DPP10: variants seen among roughly 807,000 people sequenced by gnomAD.
The protein encoded by DPP10 is inactive dipeptidyl peptidase 10.
Under a neutral mutation model 120.9 loss-of-function variants are expected in DPP10, and 33 were observed. That is an observed-to-expected ratio of 0.27 (90% CI 0.21 to 0.37). The LOEUF is 0.37. Among genes scored for constraint, DPP10 ranks in the 10% least tolerant of loss-of-function variants. The pLI is 1.00. For synonymous variants in DPP10, 337 were observed against 326.1 expected (o/e 1.03, Z -0.36); for missense variants, 816 against 942.8 (o/e 0.87, Z 1.76).
At chr2:114,865,428 T>C (rs1690145827) in intron 1 of DPP10, among the ~76,000 whole-genome samples, 1 of 152,220 alleles carries the variant, frequency 6.6e-6, no homozygotes, top group Non-Finnish European at 1.5e-5. Context: ...AATTCATAAA[T>C]AAATCTATTA....
At position 115,753,315 on chromosome 2, in the gene DPP10, T is replaced by C; in HGVS notation, c.1074+18T>C. 1 of 1,586,594 alleles carries C rather than the reference T, an allele frequency of 6.3e-7. No individual in the cohort carries two copies. The highest frequency in any genetic ancestry group is 8.6e-7 in the Non-Finnish European group (1 of 1,165,470). ...GTAGTAAAGTGAGTATAATTTATTT[T>C]TCTTTTATGCCTAAAATGAAGTAGC... On this transcript the variant is annotated intron_variant, in intron 11 of 25. Transcript: ENST00000410059.
intron 1 of DPP10, among the ~76,000 whole-genome samples, chr2:115,304,605 T>C (rs1366156552): frequency 1.3e-5 from 2 of 152,082 alleles, no homozygotes; most frequent in Non-Finnish European, 2.9e-5. Flanking sequence ...TCAATATAGA[T>C]GGATTATATT....
chr2:114,540,326 C>T (rs906644582), intron 1 of DPP10, among the ~76,000 whole-genome samples: 2 of 152,154 alleles, frequency 1.3e-5, no homozygotes, highest in Non-Finnish European at 2.9e-5. Context: ...GAATCTGAGA[C>T]AGATTGTTGT....
intron 2 of DPP10, among the ~76,000 whole-genome samples, chr2:115,335,266 A>G (rs758864492): frequency 3.9e-5 from 6 of 152,178 alleles, no homozygotes; most frequent in Non-Finnish European, 7.4e-5. Flanking sequence ...GGGAGTTACA[A>G]TTGAAAATGA....
At chr2:114,896,205 T>C (rs1223212345) in intron 1 of DPP10, among the ~76,000 whole-genome samples, 1 of 152,208 alleles carries the variant, frequency 6.6e-6, no homozygotes, top group East Asian at 1.9e-4. Context: ...TAGGATTGAC[T>C]TGGCGATGCG....
chr2:115,285,280 G>T (rs1313948106), intron 1 of DPP10, among the ~76,000 whole-genome samples: 1 of 151,886 alleles, frequency 6.6e-6, no homozygotes, highest in Non-Finnish European at 1.5e-5. Context: ...TTAAAATAGC[G>T]AATTAACACT....
At chr2:114,831,651 C>G (rs112772900) in intron 1 of DPP10, among the ~76,000 whole-genome samples, 181 of 152,096 alleles carry the variant, frequency 1.2e-3, no homozygotes, top group African/African-American at 4.2e-3. Flanking sequence ...ATATTCTGCA[C>G]GTAGTTTGCA....
intron 1 of DPP10, among the ~76,000 whole-genome samples, chr2:115,074,228 C>G (rs1419479555): frequency 6.6e-6 from 1 of 152,078 alleles, no homozygotes; most frequent in African/African-American, 2.4e-5. Flanking sequence ...AGGCTGGTCT[C>G]AAACTCCTGA....
intron 1 of DPP10, among the ~76,000 whole-genome samples, chr2:114,650,300 T>A (rs982224480): frequency 1.2e-4 from 19 of 152,174 alleles, no homozygotes; most frequent in African/African-American, 4.6e-4. Context: ...TCCTGTTACC[T>A]TGAAGGGCAG....
rs955084386 is a variant in DPP10, at chr2:115,675,902, C to A, written c.442-13785C>A. ...CACATCCCTGGGGCCTGACATCCAT[C>A]CCACATCCATTCAGAGGGTTGCAGT... On this transcript the variant is annotated intron_variant, in intron 5 of 25. Transcript: ENST00000410059. Among the ~76,000 whole-genome samples, 12 of 152,176 alleles carry A rather than the reference C, an allele frequency of 7.9e-5. 1 individual carries two copies. Among genetic ancestry groups the A allele is most frequent in the African/African-American group, 2.9e-4 (12 of 41,438 alleles).
intron 1 of DPP10, among the ~76,000 whole-genome samples, chr2:115,021,899 A>G (rs751721565): frequency 1.3e-5 from 2 of 152,142 alleles, no homozygotes; most frequent in Non-Finnish European, 2.9e-5. Context: ...AATAGAATTA[A>G]AAACAAAAAT....
intron 1 of DPP10, among the ~76,000 whole-genome samples, chr2:114,599,869 G>A (rs1249960506): frequency 6.6e-6 from 1 of 151,508 alleles, no homozygotes; most frequent in African/African-American, 2.4e-5. Context: ...TGTAGTTCAT[G>A]ATTTTTTTCT....
At chr2:115,791,537 A>C (rs1237296526) in intron 19 of DPP10, among the ~76,000 whole-genome samples, 181 bp downstream of exon 19, 3 of 152,284 alleles carry the variant, frequency 2.0e-5, no homozygotes, top group Admixed American at 2.0e-4. Flanking sequence ...AAGATGTGTA[A>C]ATTTTTTTGA....
chr2:114,620,235 A>T (rs1231317442), intron 1 of DPP10, among the ~76,000 whole-genome samples: 4 of 151,966 alleles, frequency 2.6e-5, no homozygotes, highest in African/African-American at 9.7e-5. Flanking sequence ...TTACAAAAAA[A>T]CTCAAGGCAA....
intron 1 of DPP10, among the ~76,000 whole-genome samples, chr2:114,786,375 A>C (rs1682767535): frequency 6.6e-6 from 1 of 152,242 alleles, no homozygotes; most frequent in Non-Finnish European, 1.5e-5. Flanking sequence ...GGGTAGGAGA[A>C]TAATGGATGG....
intron 1 of DPP10, among the ~76,000 whole-genome samples, chr2:114,933,366 C>T (rs1310149066): frequency 6.6e-6 from 1 of 152,184 alleles, no homozygotes; most frequent in Admixed American, 6.5e-5. Flanking sequence ...CTTTCTCACC[C>T]TCTTCAACAC....
intron 1 of DPP10, among the ~76,000 whole-genome samples, chr2:114,632,622 C>T (rs1695018835): frequency 6.8e-6 from 1 of 145,990 alleles, no homozygotes; most frequent in Admixed American, 7.1e-5. Context: ...ATGCCATTCT[C>T]CTGCCTCAGC....
intron 21 of DPP10, among the ~76,000 whole-genome samples, chr2:115,827,051 T>C (rs2150080859): frequency 6.6e-6 from 1 of 152,228 alleles, no homozygotes; most frequent in Non-Finnish European, 1.5e-5. Flanking sequence ...CTTCTGCTTT[T>C]AGTTTCTTTA....
At chr2:115,724,294 G>T (rs1179468026) in intron 7 of DPP10, among the ~76,000 whole-genome samples, 1 of 152,180 alleles carries the variant, frequency 6.6e-6, no homozygotes, top group Admixed American at 6.6e-5. Flanking sequence ...AGAAATCCAG[G>T]CTGCTAGGTG....
Sources: gnomAD v4.1 joint callset for allele counts (sites outside exome capture counted in the v4.1 genomes callset) on GRCh38, gnomAD v4.1.1 for gene constraint, MANE v1.5 for transcripts, NCBI Gene and HGNC (gene_info 2026-07-23, HGNC 2026-07-21) for gene names.